The following SIPA1L1 variants were observed in gnomAD, a reference collection of about 807,000 sequenced individuals.
SIPA1L1 encodes signal induced proliferation associated 1 like 1.
A neutral mutation model predicts 162.7 loss-of-function variants in SIPA1L1; 26 were observed. That is an observed-to-expected ratio of 0.16 (90% CI 0.12 to 0.22). SIPA1L1 has a LOEUF of 0.22. SIPA1L1 is among the 10% of genes least tolerant of loss of function. The pLI is 1.00. For synonymous variants in SIPA1L1, 829 were observed against 837.4 expected (o/e 0.99, Z 0.17); for missense variants, 1,874 against 2,241.0 (o/e 0.84, Z 3.31).
chr14:71,500,650 AAGTGTTT>A (rs759521574), intron 2 of SIPA1L1, among the ~76,000 whole-genome samples: 1 of 152,226 alleles, frequency 6.6e-6, no homozygotes, highest in Non-Finnish European at 1.5e-5. Context: ...AATATGCCAA[AAGTGTTT>A]ATAGCAGCAT....
At chr14:71,494,093 A>G (rs775229288) in intron 2 of SIPA1L1, among the ~76,000 whole-genome samples, 1 of 152,138 alleles carries the variant, frequency 6.6e-6, no homozygotes, top group Non-Finnish European at 1.5e-5. Flanking sequence ...TCCTATTCAG[A>G]TGCCTTTAAT....
chr14:71,636,688 A>G (rs896266746), intron 7 of SIPA1L1, among the ~76,000 whole-genome samples: 1 of 152,238 alleles, frequency 6.6e-6, no homozygotes, highest in African/African-American at 2.4e-5. Context: ...AGGAAATGGT[A>G]TAGATCAGAA....
In SIPA1L1 at chr14:71,388,288, G is replaced by C. The variant is rs925271115; in HGVS notation, c.-465+67107G>C. The stretch of plus-strand genomic sequence containing the variant: ...ACAGACGCAGGTTTTTGTCAAAGCA[G>C]AATCTACCATCTAGACTTTAATTGA... On this transcript the variant is annotated intron_variant, in intron 2 of 23. Transcript: ENST00000381232. Among the ~76,000 whole-genome samples, 9 of 152,174 alleles carry C rather than the reference G, an allele frequency of 5.9e-5. No individual in the cohort carries two copies. In the East Asian group the frequency reaches 1.7e-3, roughly 29 times the overall value.
At chr14:71,397,422 G>T in intron 2 of SIPA1L1, among the ~76,000 whole-genome samples, 1 of 138,532 alleles carries the variant, frequency 7.2e-6, no homozygotes, top group African/African-American at 2.7e-5. Flanking sequence ...ATATATAATA[G>T]TATCTTATTA....
At chr14:71,685,748 T>C (rs2046235882) in intron 13 of SIPA1L1, 117 bp downstream of exon 13, 1 of 1,275,468 alleles carries the variant, frequency 7.8e-7, no homozygotes, top group Admixed American at 2.3e-5. Flanking sequence ...AGAATTAAAC[T>C]GAGGTGCATA....
chr14:71,630,238 C>G (rs1363203733), intron 7 of SIPA1L1, among the ~76,000 whole-genome samples: 1 of 152,152 alleles, frequency 6.6e-6, no homozygotes, highest in Non-Finnish European at 1.5e-5. Flanking sequence ...TCCACCATGG[C>G]CATCTAGTCA....
In SIPA1L1 at chr14:71,685,392, G is replaced by T. The variant is rs774608529; in HGVS notation, c.3135G>T (p.Val1045=). Reference sequence around the variant, plus strand: ...GCTCTGAAACCTACCGCATGCCAGTGATGGAGTACAAAATGAATGAAGGTG... The same window carrying T: ...GCTCTGAAACCTACCGCATGCCAGTTATGGAGTACAAAATGAATGAAGGTG... ...RSCSETYRMP[V]MEYKMNEGVS... Residue 1045 remains valine, a synonymous_variant, in exon 13 of 24, where the codon GTG becomes GTT. Transcript: ENST00000381232. 1.9e-6 allele frequency: 3 copies of T among 1,614,186 alleles called. No homozygotes were observed. The African/African-American group carries it at 4.0e-5, about 22-fold the overall frequency.
intron 2 of SIPA1L1, among the ~76,000 whole-genome samples, chr14:71,325,833 T>G (rs1309820380): frequency 1.3e-5 from 2 of 152,160 alleles, no homozygotes; most frequent in Non-Finnish European, 2.9e-5. Context: ...TCCCTCTAAT[T>G]AGGATTTAGT....
chr14:71,619,265 A>C (rs1004831087), intron 6 of SIPA1L1, among the ~76,000 whole-genome samples: 7 of 152,174 alleles, frequency 4.6e-5, no homozygotes, highest in Non-Finnish European at 1.0e-4. Context: ...AGAGAAGGCC[A>C]CTGAAGACTT....
intron 2 of SIPA1L1, among the ~76,000 whole-genome samples, chr14:71,417,228 T>C (rs574364802): frequency 1.7e-4 from 26 of 151,830 alleles, no homozygotes; most frequent in Admixed American, 1.3e-3. Flanking sequence ...GAAAATCCTA[T>C]TGGGAGGCCG....
chr14:71,642,104 T>G (rs1567378868), intron 7 of SIPA1L1, among the ~76,000 whole-genome samples: 3 of 152,232 alleles, frequency 2.0e-5, no homozygotes, highest in Non-Finnish European at 4.4e-5. Context: ...ACTTTCCACC[T>G]GAAACAACTT....
chr14:71,497,369 A>G (rs933583386), intron 2 of SIPA1L1, among the ~76,000 whole-genome samples: 3 of 152,102 alleles, frequency 2.0e-5, no homozygotes, highest in Non-Finnish European at 4.4e-5. Context: ...ATGATCATAC[A>G]CATATACAAT....
At chr14:71,355,657 G>A (rs1455307115) in intron 2 of SIPA1L1, among the ~76,000 whole-genome samples, 1 of 152,182 alleles carries the variant, frequency 6.6e-6, no homozygotes, top group African/African-American at 2.4e-5. Context: ...TAGAAAATTA[G>A]TTAGGCAAAA....
At chr14:71,637,106 T>TC (rs1296070756) in intron 7 of SIPA1L1, among the ~76,000 whole-genome samples, 27 of 150,756 alleles carry the variant, frequency 1.8e-4, no homozygotes, top group African/African-American at 6.6e-4. Context: ...ATTTTTTTTT[T>TC]TTCATAAAAC....
intron 7 of SIPA1L1, among the ~76,000 whole-genome samples, chr14:71,630,668 A>G (rs74747389): frequency 0.017 from 2,517 of 152,286 alleles, 73 homozygotes; most frequent in African/African-American, 0.052. Context: ...AAATCAAAGC[A>G]GTATGACTAT....
At chr14:71,409,478 T>G (rs545977379) in intron 2 of SIPA1L1, among the ~76,000 whole-genome samples, 1 of 152,122 alleles carries the variant, frequency 6.6e-6, no homozygotes, top group East Asian at 1.9e-4. Flanking sequence ...AACATTGAAG[T>G]TAATGGGAGC....
chr14:71,451,350 A>G (rs2141546721), intron 2 of SIPA1L1, among the ~76,000 whole-genome samples: 1 of 152,228 alleles, frequency 6.6e-6, no homozygotes, highest in East Asian at 1.9e-4. Flanking sequence ...TAGATAAGAA[A>G]TATATTGCAG....
At chr14:71,639,749 A>G (rs774671082) in intron 7 of SIPA1L1, among the ~76,000 whole-genome samples, 1 of 152,236 alleles carries the variant, frequency 6.6e-6, no homozygotes, top group Non-Finnish European at 1.5e-5. Context: ...GGAACAGAAT[A>G]GAGAAACCAG....
At chr14:71,620,219 G>A (rs1468534778) in intron 6 of SIPA1L1, among the ~76,000 whole-genome samples, 3 of 152,214 alleles carry the variant, frequency 2.0e-5, no homozygotes, top group African/African-American at 4.8e-5. Context: ...ACAGGCATGC[G>A]CCACCATGCC....
Sources: gnomAD v4.1 joint callset for allele counts (sites outside exome capture counted in the v4.1 genomes callset) on GRCh38, gnomAD v4.1.1 for gene constraint, MANE v1.5 for transcripts, NCBI Gene and HGNC (gene_info 2026-07-23, HGNC 2026-07-21) for gene names.